The following RBFOX1 variants were observed in gnomAD, a reference collection of about 807,000 sequenced individuals.
RBFOX1 encodes RNA binding protein fox-1 homolog 1.
A neutral mutation model predicts 57.7 loss-of-function variants in RBFOX1; 8 were observed. The observed-to-expected ratio is 0.14, with a 90% confidence interval of 0.08 to 0.25. The LOEUF (loss-of-function observed/expected upper bound fraction) is 0.25. Among genes scored for constraint, RBFOX1 ranks in the 10% least tolerant of loss-of-function variants. The probability of loss-of-function intolerance (pLI) is 1.00; values close to 1 mark genes in which losing one functional copy is unlikely to be tolerated. For synonymous variants in RBFOX1, 326 were observed against 222.4 expected (o/e 1.47, Z -4.15); for missense variants, 611 against 548.5 (o/e 1.11, Z -1.14).
intron 2 of RBFOX1, among the ~76,000 whole-genome samples, chr16:6,543,713 T>G (rs1380813819): frequency 2.0e-5 from 3 of 152,044 alleles, no homozygotes; most frequent in African/African-American, 7.2e-5. Context: ...TGGAAGTCTT[T>G]CCCCGAGGTT....
intron 4 of RBFOX1, among the ~76,000 whole-genome samples, chr16:7,165,917 C>T (rs937341514): frequency 7.0e-6 from 1 of 142,222 alleles, no homozygotes; most frequent in African/African-American, 2.7e-5. Flanking sequence ...GCCCCCTGCA[C>T]CCCACCGCAT....
At chr16:5,334,763 A>G (rs768510176) in intron 1 of RBFOX1, among the ~76,000 whole-genome samples, 9 of 151,578 alleles carry the variant, frequency 5.9e-5, no homozygotes, top group Admixed American at 2.0e-4. Context: ...ACACTGTCCA[A>G]CGTTAAAGAT....
intron 5 of RBFOX1, among the ~76,000 whole-genome samples, chr16:7,574,497 G>A (rs545878786): frequency 6.6e-6 from 1 of 152,120 alleles, no homozygotes; most frequent in Non-Finnish European, 1.5e-5. Context: ...GTCTGTGGTC[G>A]AAGGTCCAAG....
At chr16:6,384,517 C>T (rs2092102692) in intron 2 of RBFOX1, among the ~76,000 whole-genome samples, 1 of 152,120 alleles carries the variant, frequency 6.6e-6, no homozygotes, top group Non-Finnish European at 1.5e-5. Flanking sequence ...TACAGGGCTT[C>T]TGAAGAGTGT....
intron 1 of RBFOX1, among the ~76,000 whole-genome samples, chr16:6,020,902 G>A (rs1335418786): frequency 6.6e-6 from 1 of 152,174 alleles, no homozygotes; most frequent in Non-Finnish European, 1.5e-5. Context: ...GGAAGACCCC[G>A]ATCTAACCTT....
rs1055945084 is a variant in RBFOX1, at chr16:7,534,873, G to A, written c.270+16484G>A. On this transcript the variant is annotated intron_variant, in intron 5 of 15. Coordinates refer to ENST00000550418, the MANE Select transcript of RBFOX1 (RefSeq NM_018723.4). ...CTATGTGTGTGTGTGGCTTTAGGAA[G>A]CCCTGCGATTTTCCTTCTTTAGCTC... Among the ~76,000 whole-genome samples, 6 of 152,136 alleles carry A rather than the reference G, an allele frequency of 3.9e-5. No individual in the cohort carries two copies. The South Asian group carries it at 1.2e-3, about 31-fold the overall frequency.
intron 1 of RBFOX1, among the ~76,000 whole-genome samples, chr16:6,285,664 C>A (rs1313822439): frequency 2.0e-5 from 3 of 152,080 alleles, no homozygotes; most frequent in Non-Finnish European, 4.4e-5. Context: ...GAATCTGTTC[C>A]CTGCTTTTCC....
chr16:7,701,212 A>C (rs947831779), intron 14 of RBFOX1, among the ~76,000 whole-genome samples: 2 of 152,178 alleles, frequency 1.3e-5, no homozygotes, highest in Admixed American at 6.5e-5. Context: ...CATTTCTTCC[A>C]CTTCTAGTTT....
intron 3 of RBFOX1, among the ~76,000 whole-genome samples, chr16:6,849,456 C>T (rs1441975218): frequency 6.6e-6 from 1 of 152,068 alleles, no homozygotes; most frequent in Non-Finnish European, 1.5e-5. Flanking sequence ...TCACTTGAGG[C>T]CAGGGGTTCG....
intron 4 of RBFOX1, among the ~76,000 whole-genome samples, chr16:7,056,825 T>C (rs932703128): frequency 6.6e-6 from 1 of 152,186 alleles, no homozygotes; most frequent in Non-Finnish European, 1.5e-5. Context: ...ATTCAAATAC[T>C]GATCTGCAAT....
At chr16:5,529,584 GA>G (rs1305015453) in intron 2 of RBFOX1, among the ~76,000 whole-genome samples, 3 of 84,248 alleles carry the variant, frequency 3.6e-5, no homozygotes, top group Non-Finnish European at 7.2e-5. Flanking sequence ...TTTTTTTTTT[GA>G]GATGGAGTTT....
At chr16:6,543,201 G>A (rs1188171607) in intron 2 of RBFOX1, among the ~76,000 whole-genome samples, 1 of 152,158 alleles carries the variant, frequency 6.6e-6, no homozygotes, top group East Asian at 1.9e-4. Flanking sequence ...GAGGGAAGAG[G>A]ATGCACTAGG....
At chr16:6,397,252 C>T (rs58069089) in intron 2 of RBFOX1, among the ~76,000 whole-genome samples, 16,345 of 152,016 alleles carry the variant, frequency 0.11, 1,938 homozygotes, top group African/African-American at 0.3. Flanking sequence ...GTCATAGTCA[C>T]AGTGATGAAA....
chr16:7,379,242 C>T (rs1002530405), intron 4 of RBFOX1, among the ~76,000 whole-genome samples: 4 of 152,156 alleles, frequency 2.6e-5, no homozygotes, highest in African/African-American at 7.2e-5. Context: ...TTTTTGATTT[C>T]ACCATAAACT....
intron 2 of RBFOX1, among the ~76,000 whole-genome samples, chr16:5,496,975 C>T (rs894834131): frequency 6.6e-6 from 1 of 152,194 alleles, no homozygotes; most frequent in Non-Finnish European, 1.5e-5. Flanking sequence ...AATTATCTGG[C>T]ATAACTTTTA....
intron 3 of RBFOX1, among the ~76,000 whole-genome samples, chr16:5,763,275 C>T (rs1233752779): frequency 2.6e-5 from 4 of 152,200 alleles, no homozygotes; most frequent in African/African-American, 7.2e-5. Flanking sequence ...CCTGGACCCT[C>T]CTTAGGAAGT....
chr16:5,316,393 C>T (rs1459879457), intron 1 of RBFOX1, among the ~76,000 whole-genome samples: 1 of 152,184 alleles, frequency 6.6e-6, no homozygotes, highest in Non-Finnish European at 1.5e-5. Context: ...GCACACTGCC[C>T]AGAACATGGG....
chr16:7,205,623 A>T (rs1193533756), intron 4 of RBFOX1, among the ~76,000 whole-genome samples: 6 of 152,224 alleles, frequency 3.9e-5, no homozygotes, highest in Non-Finnish European at 7.3e-5. Context: ...ATCTGTGTTT[A>T]CAAAATACGA....
chr16:7,312,351 G>T (rs759349322), intron 4 of RBFOX1, among the ~76,000 whole-genome samples: 6 of 152,242 alleles, frequency 3.9e-5, no homozygotes, highest in Non-Finnish European at 7.3e-5. Context: ...TTGCACTCCA[G>T]CCTGGGCAAC....
Sources: allele counts gnomAD v4.1 joint callset (sites outside exome capture counted in the v4.1 genomes callset), GRCh38; gene constraint gnomAD v4.1.1; transcripts MANE v1.5; gene names NCBI Gene and HGNC (gene_info 2026-07-23, HGNC 2026-07-21).